The following ERBB4 variants were observed in gnomAD, a reference collection of about 807,000 sequenced individuals.
ERBB4 encodes the protein receptor tyrosine-protein kinase erbB-4.
Under a neutral mutation model 158.0 loss-of-function variants are expected in ERBB4, and 42 were observed. The ratio of observed to expected loss-of-function variants is 0.27; its 90% CI spans 0.21 to 0.34. ERBB4 has a LOEUF of 0.34. Among genes scored for constraint, ERBB4 ranks in the 10% least tolerant of loss-of-function variants. The pLI is 1.00. For missense variants in ERBB4, 1,333 were observed against 1,624.1 expected, an observed-to-expected ratio of 0.82 and a Z score of 3.08; for synonymous variants, 583 against 558.7, an observed-to-expected ratio of 1.04 and a Z score of -0.61.
At chr2:211,939,596 T>C (rs1024445377) in intron 3 of ERBB4, among the ~76,000 whole-genome samples, 2 of 152,092 alleles carry the variant, frequency 1.3e-5, no homozygotes, top group African/African-American at 4.8e-5. Flanking sequence ...TTACATATTC[T>C]AAAAAATTAC....
chr2:211,487,045 G>A (rs1306233817), intron 20 of ERBB4, among the ~76,000 whole-genome samples: 2 of 150,654 alleles, frequency 1.3e-5, no homozygotes, highest in Non-Finnish European at 2.9e-5. Flanking sequence ...TGTGCACAAC[G>A]TGCAGGTTTG....
At chr2:212,325,960 A>G (rs2087809665) in intron 1 of ERBB4, among the ~76,000 whole-genome samples, 1 of 150,646 alleles carries the variant, frequency 6.6e-6, no homozygotes, top group Admixed American at 6.6e-5. Flanking sequence ...GACATGCCCA[A>G]TTCAGAGTTC....
intron 19 of ERBB4, among the ~76,000 whole-genome samples, chr2:211,563,855 G>C (rs191251153): frequency 1.3e-5 from 2 of 152,240 alleles, no homozygotes; most frequent in East Asian, 1.9e-4. Flanking sequence ...CATACACATA[G>C]AGGGTGTAAT....
At chr2:211,989,534 G>A (rs2082018959) in intron 2 of ERBB4, among the ~76,000 whole-genome samples, 1 of 151,582 alleles carries the variant, frequency 6.6e-6, no homozygotes, top group South Asian at 2.1e-4. Context: ...ATTTAAAATA[G>A]TAAAGGTAAA....
At chr2:211,967,011 A>G (rs1276211020) in intron 2 of ERBB4, among the ~76,000 whole-genome samples, 1 of 152,144 alleles carries the variant, frequency 6.6e-6, no homozygotes, top group East Asian at 1.9e-4. Context: ...TAATTATTAA[A>G]TATTTATTAA....
chr2:212,264,152 G>A (rs2085045763), intron 1 of ERBB4, among the ~76,000 whole-genome samples: 1 of 152,142 alleles, frequency 6.6e-6, no homozygotes. Context: ...CTCTTCAAGT[G>A]TAATGGACTA....
In ERBB4 at chr2:211,888,821, G is replaced by A. The variant is rs538414943; in HGVS notation, c.421+58609C>T. Among the ~76,000 whole-genome samples, 240 of 151,756 alleles carry A rather than the reference G, an allele frequency of 1.6e-3. 1 individual carries two copies. The highest frequency in any genetic ancestry group is 6.8e-3 in the Middle Eastern group (2 of 294). On this transcript the variant is annotated intron_variant, in intron 3 of 27. Transcript: ENST00000342788. ...CTGGAAAATCGGGTCACTCCCACCC[G>A]AATATTGCGCTTTTCAGACCGGCTT...
Position 211,386,993 on chromosome 2 carries a change from G to T in ERBB4, c.3341C>A (p.Pro1114Gln). ...GTCCTCTTGGACATGGGGTGCCACTGGCTTGCGTAGGGTGCCATTACAGCA... is the reference window on the plus strand; with the variant it reads ...GTCCTCTTGGACATGGGGTGCCACTTGCTTGCGTAGGGTGCCATTACAGCA... ...DSCCNGTLRK[P>Q]VAPHVQEDSS... The change falls in exon 27 of 28, where the codon CCA becomes CAA. Residue 1114 changes from proline to glutamine, a missense_variant. By Grantham distance (76) the Pro-to-Gln change is moderately conservative. Around this residue, in one of 5 missense-constraint regions of ERBB4, gnomAD observed 252 missense variants for 241.3 expected, o/e 1.04. Transcript: ENST00000342788. 6.2e-7 allele frequency: 1 copy of T among 1,614,096 alleles called. No homozygotes were observed. The highest frequency in any genetic ancestry group is 8.5e-7 in the Non-Finnish European group (1 of 1,180,022).
At chr2:211,516,683 G>A (rs2066043212) in intron 20 of ERBB4, among the ~76,000 whole-genome samples, 1 of 152,042 alleles carries the variant, frequency 6.6e-6, no homozygotes, top group South Asian at 2.1e-4. Flanking sequence ...CTTACTAAGA[G>A]GAATTGAAAC....
intron 1 of ERBB4, among the ~76,000 whole-genome samples, chr2:212,321,753 C>A (rs1318736727): frequency 6.7e-6 from 1 of 150,010 alleles, no homozygotes; most frequent in Non-Finnish European, 1.5e-5. Flanking sequence ...AATAGCTAGA[C>A]TTAAATTTGA....
chr2:211,888,610 G>C (rs1294878635), intron 3 of ERBB4, among the ~76,000 whole-genome samples: 1 of 152,208 alleles, frequency 6.6e-6, no homozygotes, highest in Non-Finnish European at 1.5e-5. Context: ...CAGAAGACGG[G>C]TGATTTCTGC....
chr2:211,876,379 G>C (rs780949168), intron 3 of ERBB4, among the ~76,000 whole-genome samples: 58 of 152,116 alleles, frequency 3.8e-4, no homozygotes, highest in Middle Eastern at 3.2e-3. Context: ...ACAGAGGAAG[G>C]AGAAGAATTA....
intron 1 of ERBB4, among the ~76,000 whole-genome samples, chr2:212,130,763 C>T (rs2080085841): frequency 6.6e-6 from 1 of 152,032 alleles, no homozygotes; most frequent in African/African-American, 2.4e-5. Flanking sequence ...AAAATAATTA[C>T]TGAGAAAAAT....
Position 212,184,593 on chromosome 2 carries a change from C to A in ERBB4, c.83-59690G>T, listed in dbSNP as rs944801337. On this transcript the variant is annotated intron_variant, in intron 1 of 27. Coordinates refer to ENST00000342788, the MANE Select transcript of ERBB4 (RefSeq NM_005235.3). ...TTTTGGAGCATCTAGTAAATACTCA[C>A]TAAGAGCTCAATAGATTGAATAAAA... 1.9e-4 allele frequency among the ~76,000 whole-genome samples: 29 copies of A among 152,140 alleles called. 1 individual carries two copies. Among genetic ancestry groups the A allele is most frequent in the Admixed American group, 1.3e-3 (20 of 15,246 alleles).
At chr2:211,431,139 G>A (rs773736711) in intron 20 of ERBB4, 39 bp from the exon 21 acceptor site, 68 of 1,594,662 alleles carry the variant, frequency 4.3e-5, no homozygotes, top group Non-Finnish European at 5.2e-5. Context: ...TTCAGTTAAT[G>A]CCCAGGTTTT....
chr2:211,546,560 C>T (rs1009497879), intron 20 of ERBB4, among the ~76,000 whole-genome samples: 3 of 152,038 alleles, frequency 2.0e-5, no homozygotes, highest in Non-Finnish European at 2.9e-5. Context: ...CTTCTGTAAC[C>T]AGAGTGATCT....
chr2:212,237,215 A>T (rs1443215258), intron 1 of ERBB4, among the ~76,000 whole-genome samples: 2 of 152,154 alleles, frequency 1.3e-5, no homozygotes, highest in African/African-American at 4.8e-5. Flanking sequence ...TCGTGGATTT[A>T]TCTACCTTTG....
At position 212,284,907 on chromosome 2, in the gene ERBB4, T is replaced by C. The variant is rs530283809; in HGVS notation, c.83-160004A>G. On this transcript the variant is annotated intron_variant, in intron 1 of 27. Transcript: ENST00000342788. ...CAGAAGTTCAGTAAGCCTCAGTGTT[T>C]TAAGCTGAACTTTCTGGAGAGAGGT... Among the ~76,000 whole-genome samples the C allele has an allele frequency of 1.2e-4, 18 of 152,222 alleles. 3 individuals are homozygous for C. The South Asian group carries it at 3.7e-3, about 32-fold the overall frequency.
intron 20 of ERBB4, among the ~76,000 whole-genome samples, chr2:211,477,824 T>G (rs2125540714): frequency 6.6e-6 from 1 of 152,244 alleles, no homozygotes; most frequent in South Asian, 2.1e-4. Flanking sequence ...TCTCTTTGCC[T>G]TTGTGGAACG....
Sources: allele counts gnomAD v4.1 joint callset (sites outside exome capture counted in the v4.1 genomes callset), GRCh38; gene constraint gnomAD v4.1.1; regional missense constraint gnomAD v4.1.1; transcripts MANE v1.5; gene names NCBI Gene and HGNC (gene_info 2026-07-23, HGNC 2026-07-21).